Variants in VPS52 observed in about 807,000 individuals in gnomAD.
VPS52 encodes vacuolar protein sorting-associated protein 52 homolog.
VPS52 carries 56 observed loss-of-function variants against 98.7 expected under a neutral mutation model. The observed-to-expected ratio is 0.57, with a 90% CI of 0.46 to 0.71. The LOEUF is 0.71. Ranked by LOEUF, VPS52 falls within the 30% of genes least tolerant of loss-of-function variation. The pLI is 0.00. For synonymous variants in VPS52, 348 were observed against 346.4 expected, an observed-to-expected ratio of 1.00 and a Z score of -0.05; for missense variants, 742 against 925.9, an observed-to-expected ratio of 0.80 and a Z score of 2.58.
Position 33,251,545 on chromosome 6 carries a change from G to C in VPS52, c.1998C>G (p.Asn666Lys). 1 of 1,613,708 alleles carries C rather than the reference G, an allele frequency of 6.2e-7. No individual in the cohort carries two copies. Among genetic ancestry groups the C allele is most frequent in the South Asian group, 1.1e-5 (1 of 91,042 alleles). ...GAATGATACTGGTGCCATTTCTGAA[G>C]TTGGTGAAACTCCGCATTACATCCT... ...LSQDVMRSFT[N>K]FRNGTSIIQG... is the part of the protein sequence containing the mutation. Residue 666 changes from asparagine to lysine, a missense_variant, in exon 19 of 20, where the codon AAC becomes AAG. Transcript: ENST00000445902.
At chr6:33,258,942 G>A (rs1296107416) in intron 17 of VPS52, among the ~76,000 whole-genome samples, 3 of 152,136 alleles carry the variant, frequency 2.0e-5, no homozygotes, top group African/African-American at 4.8e-5. Context: ...TTGTGGTGAC[G>A]CTCCTCACAC....
chr6:33,253,701 G>C (rs1466817498), intron 17 of VPS52, among the ~76,000 whole-genome samples: 2 of 151,990 alleles, frequency 1.3e-5, no homozygotes. Context: ...GCTGCAGGGA[G>C]TTATATCATG....
At chr6:33,255,462 CTTTTTTTT>C (rs9280383) in intron 17 of VPS52, among the ~76,000 whole-genome samples, 44,822 of 116,902 alleles carry the variant, frequency 0.38, 8,143 homozygotes, top group East Asian at 0.63. Context: ...CTACGCCTGG[CTTTTTTTT>C]TTTTTTTTTT....
chr6:33,251,833 C>G (rs766448081), intron 18 of VPS52, 27 bp downstream of exon 18: 1 of 1,607,482 alleles, frequency 6.2e-7, no homozygotes, highest in South Asian at 1.1e-5. Flanking sequence ...TACCACTGAT[C>G]CCATCATTAC....
chr6:33,264,672 G>A, intron 13 of VPS52, 110 bp downstream of exon 13: 1 of 1,407,050 alleles, frequency 7.1e-7, no homozygotes, highest in Non-Finnish European at 1.0e-6. Flanking sequence ...AAATGAATGG[G>A]AATAAAGGTT....
intron 17 of VPS52, 113 bp downstream of exon 17, chr6:33,263,371 T>G: frequency 1.6e-6 from 1 of 627,308 alleles, no homozygotes; most frequent in Non-Finnish European, 2.2e-6. Context: ...CTGAGATCCA[T>G]TATGCCACTC....
rs575741088 is a variant in VPS52 at position 33,258,686 on chromosome 6, C to T, written c.1794+4798G>A. 2.1e-3 allele frequency among the ~76,000 whole-genome samples: 326 copies of T among 152,110 alleles called. 2 individuals are homozygous for T. The highest frequency in any genetic ancestry group is 7.2e-3 in the African/African-American group (300 of 41,518). On this transcript the variant is annotated intron_variant, in intron 17 of 19. Coordinates refer to ENST00000445902, the MANE Select transcript of VPS52 (RefSeq NM_022553.6). ...TGCAACCTCCGCCTCCCAGGTTCAG[C>T]GCCCCTGAGGAGCTGGGACTACAGG...
At chr6:33,264,175 C>T in intron 14 of VPS52, 72 bp from the exon 15 acceptor site, 1 of 1,578,338 alleles carries the variant, frequency 6.3e-7, no homozygotes, top group Non-Finnish European at 8.7e-7. Context: ...ACTTCCTTAG[C>T]CAACCCACCT....
Position 33,263,823 on chromosome 6 carries a change from C to T in VPS52, c.1677G>A (p.Glu559=). The T allele has an allele frequency of 6.2e-7, 1 of 1,614,222 alleles. No individual in the cohort carries two copies. Among genetic ancestry groups the T allele is most frequent in the Non-Finnish European group, 8.5e-7 (1 of 1,180,044 alleles). ...RVAAEFSSRK[E]QLVFLINNYD... is the part of the protein sequence containing the mutation. Reference sequence around the variant, plus strand: ...AGTTGTTGATCAGAAACACAAGCTGCTCCTTCCTTGAGGAGAACTCAGCTG... The same window carrying T: ...AGTTGTTGATCAGAAACACAAGCTGTTCCTTCCTTGAGGAGAACTCAGCTG... Residue 559 remains glutamate (E), a synonymous_variant, in exon 16 of 20, where the codon GAG becomes GAA. Coordinates refer to ENST00000445902, the MANE Select transcript of VPS52 (RefSeq NM_022553.6).
chr6:33,271,559 G>A (rs776630588), intron 1 of VPS52, 27 bp downstream of exon 1: 1 of 1,580,162 alleles, frequency 6.3e-7, no homozygotes, highest in African/African-American at 1.4e-5. Flanking sequence ...CCGGAACTAC[G>A]GAGGAGAAAC....
At chr6:33,261,860 G>A (rs772056606) in intron 17 of VPS52, among the ~76,000 whole-genome samples, 5 of 151,846 alleles carry the variant, frequency 3.3e-5, no homozygotes, top group Non-Finnish European at 7.4e-5. Context: ...GACCAACATG[G>A]TGAAACCCCA....
intron 17 of VPS52, among the ~76,000 whole-genome samples, chr6:33,252,588 CAAAAAAAAAA>C (rs9280379): frequency 1.0e-5 from 1 of 96,174 alleles, no homozygotes; most frequent in East Asian, 2.8e-4. Flanking sequence ...GACTCCGTCT[CAAAAAAAAAA>C]AAAAAAAAAA....
intron 17 of VPS52, among the ~76,000 whole-genome samples, chr6:33,259,011 TG>T (rs1249010989): frequency 6.6e-6 from 1 of 152,158 alleles, no homozygotes; most frequent in African/African-American, 2.4e-5. Context: ...AACGGATGAA[TG>T]AGGTACACTG....
chr6:33,265,437 G>A (rs1764192530), intron 12 of VPS52, among the ~76,000 whole-genome samples: 1 of 152,150 alleles, frequency 6.6e-6, no homozygotes, highest in Non-Finnish European at 1.5e-5. Flanking sequence ...TACAATCATA[G>A]TTCACTGCAG....
intron 17 of VPS52, among the ~76,000 whole-genome samples, chr6:33,259,337 G>A (rs1008384392): frequency 2.6e-5 from 4 of 152,096 alleles, no homozygotes; most frequent in African/African-American, 4.8e-5. Flanking sequence ...TTTAACTAAA[G>A]GTAAAGATCA....
Position 33,268,007 on chromosome 6 carries a change from C to G in VPS52, c.801-10G>C, listed in dbSNP as rs1245000915. The G allele has an allele frequency of 6.2e-7, 1 of 1,613,030 alleles. No homozygotes were observed. Among genetic ancestry groups the G allele is most frequent in the Non-Finnish European group, 8.5e-7 (1 of 1,180,008 alleles). On this transcript the variant is annotated splice_polypyrimidine_tract_variant and intron_variant, in intron 8 of 19. Transcript: ENST00000445902. This position sits in a 1 kb window ranked among gnomAD's most constrained non-coding sequence, Gnocchi z 4.0. ...AAACTGATAGAAGAACCTAGGGGGT[C>G]AGGAACATGTCAGTCTACCTGTCTC...
chr6:33,261,846 G>A (rs1364711721), intron 17 of VPS52, among the ~76,000 whole-genome samples: 2 of 151,984 alleles, frequency 1.3e-5, no homozygotes, highest in African/African-American at 4.8e-5. Flanking sequence ...TTTGAGACCA[G>A]CCTGACCAAC....
intron 12 of VPS52, among the ~76,000 whole-genome samples, chr6:33,266,297 C>T (rs796653936): frequency 4.0e-5 from 6 of 151,680 alleles, no homozygotes; most frequent in African/African-American, 1.5e-4. Context: ...CATCAACACA[C>T]ACCCGGCTAA....
rs1314296833 is a variant in VPS52, at chr6:33,271,628, C to A, written c.48G>T (p.Leu16Phe). ...CCTCCATATCTGAGGTCCCAGCCCG[C>A]AACACCAGTTCCCGGGCCGCAGCCG... The part of the protein sequence containing the change: ...TMAAAARELV[L>F]RAGTSDMEEE... Residue 16 changes from leucine to phenylalanine, a missense_variant, in exon 1 of 20, where the codon TTG becomes TTT. This residue lies in a region of VPS52 where 152 missense variants were observed against 132.6 expected (regional missense o/e 1.15). Coordinates refer to ENST00000445902, the MANE Select transcript of VPS52 (RefSeq NM_022553.6). 9 of 1,612,048 alleles carry A rather than the reference C, an allele frequency of 5.6e-6. No individual in the cohort carries two copies. The highest frequency in any genetic ancestry group is 7.6e-6 in the Non-Finnish European group (9 of 1,179,228).
Sources: gnomAD v4.1 joint callset for allele counts (sites outside exome capture counted in the v4.1 genomes callset) on GRCh38, gnomAD v4.1.1 for gene constraint, gnomAD v4.1.1 regional missense constraint, Gnocchi (gnomAD v3.1) non-coding constraint, MANE v1.5 for transcripts, NCBI Gene and HGNC (gene_info 2026-07-23, HGNC 2026-07-21) for gene names.